Variants in CSMD3 observed in about 807,000 individuals in gnomAD.
The protein encoded by CSMD3 is CUB and sushi domain-containing protein 3.
CSMD3 carries 177 observed loss-of-function variants against 435.2 expected under a neutral mutation model. The observed-to-expected ratio is 0.41, with a 90% CI of 0.36 to 0.46. The LOEUF (loss-of-function observed/expected upper bound fraction) is 0.46. Ranked by LOEUF, CSMD3 falls within the 20% of genes least tolerant of loss-of-function variation. The pLI is 0.34. For missense variants in CSMD3, 4,265 were observed against 4,504.6 expected, an observed-to-expected ratio of 0.95 and a Z score of 1.52; for synonymous variants, 1,656 against 1,520.5, an observed-to-expected ratio of 1.09 and a Z score of -2.07.
At chr8:113,388,462 C>T (rs182280753) in intron 1 of CSMD3, among the ~76,000 whole-genome samples, 12 of 151,570 alleles carry the variant, frequency 7.9e-5, no homozygotes, top group Admixed American at 2.0e-4. Flanking sequence ...TGATTTGTCA[C>T]GTAGCCCATT....
intron 13 of CSMD3, among the ~76,000 whole-genome samples, chr8:112,702,406 T>C (rs2076407454): frequency 6.6e-6 from 1 of 152,142 alleles, no homozygotes; most frequent in African/African-American, 2.4e-5. Context: ...ATATAAGCAA[T>C]CACAAAATCT....
intron 14 of CSMD3, among the ~76,000 whole-genome samples, chr8:112,688,780 C>T (rs1165922439): frequency 2.0e-5 from 3 of 151,808 alleles, no homozygotes; most frequent in Non-Finnish European, 4.4e-5. Flanking sequence ...GATATCAGAC[C>T]TAATTTTAAA....
intron 2 of CSMD3, among the ~76,000 whole-genome samples, chr8:113,303,301 A>G (rs1026426569): frequency 1.6e-4 from 22 of 140,952 alleles, no homozygotes; most frequent in Non-Finnish European, 2.5e-4. Flanking sequence ...GCTCATGGGT[A>G]GGAAGAATCA....
chr8:112,692,147 AT>A (rs1204499433), intron 13 of CSMD3, among the ~76,000 whole-genome samples: 2 of 151,520 alleles, frequency 1.3e-5, no homozygotes, highest in Non-Finnish European at 2.9e-5. Flanking sequence ...TTCTTTTTAT[AT>A]TTTTGGATTC....
chr8:113,110,116 T>C (rs1015395507), intron 4 of CSMD3, among the ~76,000 whole-genome samples: 4 of 152,192 alleles, frequency 2.6e-5, no homozygotes, highest in African/African-American at 9.7e-5. Context: ...GACATCATTC[T>C]TCCACTTTCT....
chr8:112,445,837 A>G (rs1342771563), intron 32 of CSMD3, among the ~76,000 whole-genome samples: 1 of 152,214 alleles, frequency 6.6e-6, no homozygotes, highest in Non-Finnish European at 1.5e-5. Flanking sequence ...ATATTTCATA[A>G]TCTAGTGCCT....
chr8:113,435,118 G>A (rs1194549465), intron 1 of CSMD3, among the ~76,000 whole-genome samples: 1 of 152,080 alleles, frequency 6.6e-6, no homozygotes, highest in Non-Finnish European at 1.5e-5. Context: ...CTCACCCGTC[G>A]AGCCAGCGAC....
chr8:112,959,225 G>A (rs1290249814), intron 7 of CSMD3, among the ~76,000 whole-genome samples: 1 of 151,996 alleles, frequency 6.6e-6, no homozygotes, highest in Non-Finnish European at 1.5e-5. Flanking sequence ...TAACTTTCAT[G>A]TTTGCATGGG....
intron 61 of CSMD3, chr8:112,255,933 C>A (rs1425545829): frequency 6.5e-6 from 1 of 152,722 alleles, no homozygotes; most frequent in Non-Finnish European, 1.5e-5. Flanking sequence ...ATCCCAGAAA[C>A]TTATTGCCTT....
At chr8:113,177,624 G>A (rs894473646) in intron 3 of CSMD3, among the ~76,000 whole-genome samples, 2 of 151,964 alleles carry the variant, frequency 1.3e-5, no homozygotes, top group Non-Finnish European at 2.9e-5. Flanking sequence ...AGCACTTAGA[G>A]CGGGCAGGTT....
Position 112,814,580 on chromosome 8 carries a change from C to T in CSMD3, c.1860-14306G>A, listed in dbSNP as rs1037955945. ...AGTGGATCACCTGAAGACAGCAGTT[C>T]GAGACCAGCCTGGCCAACATGGCAA... On this transcript the variant is annotated intron_variant, in intron 12 of 70. Transcript: ENST00000297405. Among the ~76,000 whole-genome samples, 5 of 152,008 alleles carry T rather than the reference C, an allele frequency of 3.3e-5. 1 individual carries two copies. Among genetic ancestry groups the T allele is most frequent in the South Asian group, 4.1e-4 (2 of 4,820 alleles).
intron 6 of CSMD3, among the ~76,000 whole-genome samples, chr8:112,999,153 T>G (rs2085767017): frequency 6.6e-6 from 1 of 151,850 alleles, no homozygotes; most frequent in Non-Finnish European, 1.5e-5. Context: ...GATATCCCTG[T>G]CTTTATGAGG....
intron 1 of CSMD3, among the ~76,000 whole-genome samples, chr8:113,404,771 G>A (rs1471391496): frequency 1.3e-5 from 2 of 151,274 alleles, no homozygotes; most frequent in Admixed American, 1.3e-4. Context: ...AAAGATAAAG[G>A]AACACAAAAC....
At chr8:113,176,881 A>C (rs946446836) in intron 3 of CSMD3, among the ~76,000 whole-genome samples, 2 of 151,942 alleles carry the variant, frequency 1.3e-5, no homozygotes, top group Admixed American at 6.6e-5. Context: ...CACATCCTGG[A>C]CATATACCCA....
At chr8:112,971,458 C>T (rs372151659) in intron 7 of CSMD3, among the ~76,000 whole-genome samples, 5 of 152,200 alleles carry the variant, frequency 3.3e-5, no homozygotes, top group East Asian at 3.9e-4. Flanking sequence ...TCTTTTTTAT[C>T]TTTCCATTGG....
intron 13 of CSMD3, among the ~76,000 whole-genome samples, chr8:112,736,357 G>C (rs1409163732): frequency 2.0e-5 from 3 of 151,974 alleles, no homozygotes; most frequent in Non-Finnish European, 4.4e-5. Flanking sequence ...TGTTATCTAG[G>C]TTTAATCATG....
chr8:113,081,961 G>A (rs879654064), intron 5 of CSMD3, among the ~76,000 whole-genome samples: 1 of 152,122 alleles, frequency 6.6e-6, no homozygotes, highest in Non-Finnish European at 1.5e-5. Flanking sequence ...TCCTCTAGCA[G>A]GGAAGCCACT....
intron 38 of CSMD3, among the ~76,000 whole-genome samples, chr8:112,353,145 C>T (rs1826284713): frequency 6.6e-6 from 1 of 152,094 alleles, no homozygotes; most frequent in African/African-American, 2.4e-5. Flanking sequence ...AATCCCAGCA[C>T]TTTGGGGGGC....
intron 13 of CSMD3, among the ~76,000 whole-genome samples, chr8:112,753,149 TG>T (rs1350118815): frequency 6.6e-6 from 1 of 152,080 alleles, no homozygotes; most frequent in African/African-American, 2.4e-5. Flanking sequence ...CATAATTTGC[TG>T]ACATCAAAAG....
Sources: gnomAD v4.1 joint callset for allele counts (sites outside exome capture counted in the v4.1 genomes callset) on GRCh38, gnomAD v4.1.1 for gene constraint, MANE v1.5 for transcripts, NCBI Gene and HGNC (gene_info 2026-07-23, HGNC 2026-07-21) for gene names.